PCDHGA4: variants seen among roughly 807,000 people sequenced by gnomAD.
PCDHGA4 encodes protocadherin gamma subfamily A, 4, also known as protocadherin gamma-A4.
A neutral mutation model predicts 54.6 loss-of-function variants in PCDHGA4; 38 were observed. The observed-to-expected ratio is 0.70, with a 90% confidence interval of 0.54 to 0.91. The LOEUF (loss-of-function observed/expected upper bound fraction) is 0.91. Ranked by LOEUF, PCDHGA4 falls within the 40% of genes least tolerant of loss-of-function variation. The pLI is 0.00. For synonymous variants in PCDHGA4, 511 were observed against 512.9 expected, an observed-to-expected ratio of 1.00 and a Z score of 0.05; for missense variants, 1,298 against 1,220.9, an observed-to-expected ratio of 1.06 and a Z score of -0.94.
At position 141,431,954 on chromosome 5, in the gene PCDHGA4, G is replaced by A. The variant is rs912037044; in HGVS notation, c.2515-62853G>A. 6.2e-7 allele frequency: 1 copy of A among 1,613,992 alleles called. No individual in the cohort carries two copies. Among genetic ancestry groups the A allele is most frequent in the African/African-American group, 1.3e-5 (1 of 74,896 alleles). ...GCCCTTTAAATTAGAAAAATCTTAC[G>A]GAAATTACTATAGTTTAGTCACAGA... is the stretch of plus-strand genomic sequence containing the variant. On this transcript the variant is annotated intron_variant, in intron 1 of 3. Coordinates refer to ENST00000571252, the MANE Select transcript of PCDHGA4 (RefSeq NM_018917.4). This position sits in a 1 kb window ranked among gnomAD's most constrained non-coding sequence, Gnocchi z 4.8.
At chr5:141,382,922 G>A (rs760288273) in intron 1 of PCDHGA4, 35 of 1,561,514 alleles carry the variant, frequency 2.2e-5, no homozygotes, top group Non-Finnish European at 2.9e-5. Context: ...CCGAGGGGCG[G>A]GGACTACAGA....
At chr5:141,428,088 C>G (rs761980796) in intron 1 of PCDHGA4, 5 of 1,608,920 alleles carry the variant, frequency 3.1e-6, no homozygotes, top group Non-Finnish European at 4.2e-6. Context: ...CAACGCTTGG[C>G]TGTCCTACCA....
rs1256790840 is a variant in PCDHGA4, at chr5:141,392,835, C to T, written c.2514+35214C>T. 8 of 1,608,038 alleles carry T rather than the reference C, an allele frequency of 5.0e-6. No individual in the cohort carries two copies. In the South Asian group the frequency reaches 5.5e-5, roughly 11 times the overall value. On this transcript the variant is annotated intron_variant, in intron 1 of 3. Coordinates refer to ENST00000571252, the MANE Select transcript of PCDHGA4 (RefSeq NM_018917.4). The stretch of plus-strand genomic sequence containing the variant: ...AACAATGGCCGCTCCACAGAGTCGC[C>T]CCAGACGCGGCGAGCTGATCCTGCT...
At position 141,355,654 on chromosome 5, in the gene PCDHGA4, T is replaced by C. The variant is rs199886630; in HGVS notation, c.547T>C (p.Phe183Leu). 3.2e-3 allele frequency: 5,118 copies of C among 1,613,994 alleles called. 18 individuals carry two copies. The highest frequency in any genetic ancestry group is 4.0e-3 in the Non-Finnish European group (4,668 of 1,179,882). ...TGAAAATGAAAATCCTGGGGCAAGA[T>C]TTCCTCTTCCTGAAGCTTTTGATCC... ...VAENENPGAR[F>L]PLPEAFDPDV... is the part of the protein sequence containing the mutation. Residue 183 changes from phenylalanine (F) to leucine (L), a missense_variant, in exon 1 of 4, where the codon TTT becomes CTT. Phe to Leu is a conservative substitution (Grantham distance 22). Transcript: ENST00000571252.
intron 1 of PCDHGA4, chr5:141,370,882 G>A (rs762362899): frequency 6.2e-7 from 1 of 1,613,894 alleles, no homozygotes. Flanking sequence ...CCTGATGTAG[G>A]TGTCAATTCG....
intron 1 of PCDHGA4, among the ~76,000 whole-genome samples, chr5:141,420,762 T>A (rs1221355822): frequency 6.6e-6 from 1 of 152,222 alleles, no homozygotes; most frequent in Non-Finnish European, 1.5e-5. Context: ...AACCTACAAG[T>A]TTTCAGCTCC....
chr5:141,472,769 T>C (rs2154571402), intron 1 of PCDHGA4, among the ~76,000 whole-genome samples: 1 of 151,816 alleles, frequency 6.6e-6, no homozygotes, highest in South Asian at 2.1e-4. Context: ...GCAGATCACC[T>C]GAGGTTGGGA....
At chr5:141,399,183 T>A (rs777520935) in intron 1 of PCDHGA4, 4 of 1,613,764 alleles carry the variant, frequency 2.5e-6, no homozygotes, top group Non-Finnish European at 3.4e-6. Context: ...TTGAAATGAT[T>A]CTGGAAAACG....
intron 1 of PCDHGA4, chr5:141,423,846 C>G: frequency 1.6e-6 from 2 of 1,278,968 alleles, no homozygotes; most frequent in Non-Finnish European, 2.0e-6. Flanking sequence ...GATAATCTTT[C>G]AGAACGTTTT....
chr5:141,477,378 C>A lies in PCDHGA4; in HGVS notation c.2515-17429C>A. On this transcript the variant is annotated intron_variant, in intron 1 of 3. Coordinates refer to ENST00000571252, the MANE Select transcript of PCDHGA4 (RefSeq NM_018917.4). This position sits in a 1 kb window ranked among gnomAD's most constrained non-coding sequence, Gnocchi z 4.9. ...GCAGACCTGGATCGGGAGACTGTGC[C>A]AGAATACAACCTCAGCATCACCGCC... 2 of 1,614,136 alleles carry A rather than the reference C, an allele frequency of 1.2e-6. No homozygotes were observed. Among genetic ancestry groups the A allele is most frequent in the Non-Finnish European group, 1.7e-6 (2 of 1,180,034 alleles).
chr5:141,393,121 T>A, intron 1 of PCDHGA4: 1 of 1,613,428 alleles, frequency 6.2e-7, no homozygotes, highest in African/African-American at 1.3e-5. Context: ...CCGCGGTGTC[T>A]GATAAATATT....
chr5:141,393,543 C>T lies in PCDHGA4; in HGVS notation c.2514+35922C>T, dbSNP rs763455922. On this transcript the variant is annotated intron_variant, in intron 1 of 3. Coordinates refer to ENST00000571252, the MANE Select transcript of PCDHGA4 (RefSeq NM_018917.4). ...AAATGACAATGCCCCGGTTTTTCCT[C>T]ACCCGATTTACCGAGTGAAAGTCCT... is the stretch of plus-strand genomic sequence containing the variant. 7 of 1,613,870 alleles carry T rather than the reference C, an allele frequency of 4.3e-6. No individual in the cohort carries two copies. In the Admixed American group the frequency reaches 8.3e-5, roughly 19 times the overall value.
intron 1 of PCDHGA4, chr5:141,383,068 C>T (rs376511249): frequency 6.2e-7 from 1 of 1,613,846 alleles, no homozygotes; most frequent in African/African-American, 1.3e-5. Flanking sequence ...GCTGGAGCCC[C>T]GGGAGCTGGC....
intron 1 of PCDHGA4, chr5:141,384,766 A>T (rs1277766667): frequency 6.2e-7 from 1 of 1,613,916 alleles, no homozygotes; most frequent in South Asian, 1.1e-5. Context: ...TGGGCTGTAC[A>T]CGGGCGAGGT....
At chr5:141,372,401 A>G (rs1248362001) in intron 1 of PCDHGA4, 2 of 1,613,384 alleles carry the variant, frequency 1.2e-6, no homozygotes, top group Admixed American at 3.3e-5. Context: ...ATAGCTTGCA[A>G]GAGATACAAC....
intron 1 of PCDHGA4, chr5:141,408,754 T>G: frequency 6.2e-7 from 1 of 1,610,602 alleles, no homozygotes; most frequent in Non-Finnish European, 8.5e-7. Flanking sequence ...TGGTTAGAGT[T>G]AATTCCGATG....
chr5:141,463,388 C>T (rs1470533734), intron 1 of PCDHGA4, among the ~76,000 whole-genome samples: 1 of 150,092 alleles, frequency 6.7e-6, no homozygotes, highest in Non-Finnish European at 1.5e-5. Flanking sequence ...AAAGTTGTCT[C>T]CAGGCAAAAA....
In PCDHGA4 at chr5:141,486,981, A is replaced by G. The variant is rs1457098151; in HGVS notation, c.2515-7826A>G. Reference sequence around the variant, plus strand: ...GCTGTGGACTTGGATTCAGGTTACAATGCTTGGGTTTCCTATCAGCTCCTG... The same window carrying G: ...GCTGTGGACTTGGATTCAGGTTACAGTGCTTGGGTTTCCTATCAGCTCCTG... On this transcript the variant is annotated intron_variant, in intron 1 of 3. Coordinates refer to ENST00000571252, the MANE Select transcript of PCDHGA4 (RefSeq NM_018917.4). The surrounding 1 kb of genome is among the most constrained non-coding windows in gnomAD (Gnocchi z 5.0). 17 of 1,614,038 alleles carry G rather than the reference A, an allele frequency of 1.1e-5. No individual in the cohort carries two copies. The highest frequency in any genetic ancestry group is 4.0e-5 in the African/African-American group (3 of 74,922).
intron 1 of PCDHGA4, chr5:141,405,253 C>T (rs78501291): frequency 0.034 from 55,338 of 1,614,052 alleles, 1,052 homozygotes; most frequent in Middle Eastern, 0.098. Flanking sequence ...GGAAGAGTCA[C>T]CTGATCTTCC....
Sources: allele counts gnomAD v4.1 joint callset (sites outside exome capture counted in the v4.1 genomes callset), GRCh38; gene constraint gnomAD v4.1.1; non-coding constraint Gnocchi (gnomAD v3.1); transcripts MANE v1.5; gene names NCBI Gene and HGNC (gene_info 2026-07-23, HGNC 2026-07-21).